ECT2: variants seen among roughly 807,000 people sequenced by gnomAD.
The protein encoded by ECT2 is protein ECT2.
In ECT2, 61 loss-of-function variants were observed where a neutral mutation model predicts 116.9. The ratio of observed to expected loss-of-function variants is 0.52; its 90% confidence interval spans 0.42 to 0.65. The LOEUF (loss-of-function observed/expected upper bound fraction) is 0.65, where lower values mean the gene tolerates loss of function less well. Ranked by LOEUF, ECT2 falls within the 30% of genes least tolerant of loss-of-function variation. ECT2 has a pLI of 0.00. For synonymous variants in ECT2, 358 were observed against 346.4 expected (o/e 1.03, Z -0.37); for missense variants, 937 against 1,078.7 (o/e 0.87, Z 1.84).
chr3:172,787,735 G>A (rs1021779434), intron 18 of ECT2, among the ~76,000 whole-genome samples: 1 of 152,040 alleles, frequency 6.6e-6, no homozygotes, highest in Non-Finnish European at 1.5e-5. Context: ...TTATGAAGTA[G>A]GCAGTCATTG....
At chr3:172,777,457 G>A (rs988601021) in intron 14 of ECT2, among the ~76,000 whole-genome samples, 1 of 152,166 alleles carries the variant, frequency 6.6e-6, no homozygotes, top group Non-Finnish European at 1.5e-5. Context: ...AACTTTAGAA[G>A]CCTCATCCTT....
intron 18 of ECT2, among the ~76,000 whole-genome samples, chr3:172,795,658 TAATG>T (rs1438176887): frequency 6.6e-6 from 1 of 152,210 alleles, no homozygotes; most frequent in Non-Finnish European, 1.5e-5. Context: ...TCAATTTTCA[TAATG>T]AATCTAGGCA....
chr3:172,795,580 A>T (rs1335715025), intron 18 of ECT2, among the ~76,000 whole-genome samples: 1 of 152,298 alleles, frequency 6.6e-6, no homozygotes, highest in East Asian at 1.9e-4. Context: ...ACTTAGGTAA[A>T]TATCTGATAT....
At chr3:172,787,278 GAGAGTTTCTTGAA>G (rs985135136) in intron 18 of ECT2, among the ~76,000 whole-genome samples, 1 of 152,322 alleles carries the variant, frequency 6.6e-6, no homozygotes, top group African/African-American at 2.4e-5. Context: ...GCTTCTGTAT[GAGAGTTTCTTGAA>G]AGACTTCCAG....
intron 13 of ECT2, among the ~76,000 whole-genome samples, chr3:172,773,222 T>C (rs1478162873): frequency 6.6e-6 from 1 of 152,136 alleles, no homozygotes; most frequent in Non-Finnish European, 1.5e-5. Context: ...TATACTGTAG[T>C]TTTTAGCATC....
intron 22 of ECT2, among the ~76,000 whole-genome samples, chr3:172,812,145 G>T (rs918381955): frequency 1.3e-5 from 2 of 151,958 alleles, no homozygotes; most frequent in Non-Finnish European, 2.9e-5. Context: ...GACCATGCCC[G>T]GCTAATTTTT....
At chr3:172,808,773 CAT>C (rs1237857508) in intron 22 of ECT2, among the ~76,000 whole-genome samples, 4 of 152,094 alleles carry the variant, frequency 2.6e-5, no homozygotes, top group South Asian at 2.1e-4. Context: ...GGGAATGAAA[CAT>C]GTAATTACAG....
At position 172,755,536 on chromosome 3, in the gene ECT2, A is replaced by G. The variant is rs1271693116; in HGVS notation, c.264A>G (p.Gly88=). The G allele has an allele frequency of 3.3e-6, 5 of 1,499,018 alleles. No homozygotes were observed. The highest frequency in any genetic ancestry group is 4.5e-6 in the Non-Finnish European group (5 of 1,111,434). The allele number at this position is 1,499,018 out of a possible 1,614,324, so 92.9% of individuals were successfully genotyped here. The change falls in exon 4 of 25, where the codon GGA becomes GGG. Residue 88 remains glycine (G), a synonymous_variant. Transcript: ENST00000392692. The part of the protein sequence containing the change: ...PVIKIKESCP[G]KSDEKLIKSV... Reference sequence around the variant, plus strand: ...TAAAGATAAAAGAAAGTTGTCCTGGAAAATCGGATGAAAAATTAATAAAAA... The same window carrying G: ...TAAAGATAAAAGAAAGTTGTCCTGGGAAATCGGATGAAAAATTAATAAAAA...
chr3:172,775,277 C>T (rs921938585), intron 14 of ECT2, among the ~76,000 whole-genome samples: 11 of 152,202 alleles, frequency 7.2e-5, no homozygotes, highest in Non-Finnish European at 1.3e-4. Flanking sequence ...AAGAACCAAT[C>T]GGAATTACAG....
chr3:172,774,641 T>C (rs1410961841), intron 14 of ECT2, among the ~76,000 whole-genome samples: 1 of 152,052 alleles, frequency 6.6e-6, no homozygotes, highest in East Asian at 1.9e-4. Context: ...TACAGTTGCA[T>C]GCAACCATGC....
At chr3:172,806,597 C>CTT (rs369478058) in intron 21 of ECT2, among the ~76,000 whole-genome samples, 7 of 78,428 alleles carry the variant, frequency 8.9e-5, no homozygotes, top group Admixed American at 2.5e-4. Flanking sequence ...AGAAATTATT[C>CTT]TTTTTTTTTT....
chr3:172,785,195 C>T (rs1347020270), intron 17 of ECT2, among the ~76,000 whole-genome samples: 2 of 152,004 alleles, frequency 1.3e-5, no homozygotes, highest in Non-Finnish European at 2.9e-5. Context: ...ATATACTTGG[C>T]TTTATGCTTA....
At chr3:172,792,500 T>C (rs1724868158) in intron 18 of ECT2, among the ~76,000 whole-genome samples, 1 of 152,058 alleles carries the variant, frequency 6.6e-6, no homozygotes, top group African/African-American at 2.4e-5. Context: ...TTAGTCCTTA[T>C]TGTTGCTTAT....
intron 18 of ECT2, among the ~76,000 whole-genome samples, chr3:172,787,828 C>T (rs1403390024): frequency 6.6e-6 from 1 of 152,100 alleles, no homozygotes; most frequent in Non-Finnish European, 1.5e-5. Context: ...CTACAAGTGG[C>T]TTATGCTATT....
At chr3:172,806,640 G>C (rs796871762) in intron 21 of ECT2, among the ~76,000 whole-genome samples, 40 of 64,410 alleles carry the variant, frequency 6.2e-4, no homozygotes, top group Middle Eastern at 0.01. Flanking sequence ...TTCTTTCTTT[G>C]TTTTTTGTGG....
At chr3:172,761,970 G>A (rs1718392374) in intron 8 of ECT2, among the ~76,000 whole-genome samples, 1 of 151,976 alleles carries the variant, frequency 6.6e-6, no homozygotes, top group Non-Finnish European at 1.5e-5. Flanking sequence ...TTTGGATTTT[G>A]TTACATATTT....
chr3:172,781,758 C>T (rs1448185032), intron 14 of ECT2, among the ~76,000 whole-genome samples: 1 of 151,906 alleles, frequency 6.6e-6, no homozygotes, highest in African/African-American at 2.4e-5. Context: ...TTACTGACCC[C>T]CTGTTAGAGA....
intron 2 of ECT2, 58 bp downstream of exon 2, chr3:172,754,718 G>T: frequency 7.4e-7 from 1 of 1,348,194 alleles, no homozygotes; most frequent in African/African-American, 1.5e-5. Context: ...AAACTTATTA[G>T]TGACTTTCTT....
At chr3:172,797,740 T>A (rs145845795) in intron 18 of ECT2, among the ~76,000 whole-genome samples, 4 of 152,356 alleles carry the variant, frequency 2.6e-5, no homozygotes, top group Non-Finnish European at 5.9e-5. Flanking sequence ...ACAGGTTTTA[T>A]GTTTTATCAA....
Sources: allele counts gnomAD v4.1 joint callset (sites outside exome capture counted in the v4.1 genomes callset), GRCh38; gene constraint gnomAD v4.1.1; transcripts MANE v1.5; gene names NCBI Gene and HGNC (gene_info 2026-07-23, HGNC 2026-07-21).